The following SEPSECS variants were observed in gnomAD, a reference collection of about 807,000 sequenced individuals.
The protein encoded by SEPSECS is O-phosphoseryl-tRNA(Sec) selenium transferase.
SEPSECS carries 42 observed loss-of-function variants against 52.1 expected under a neutral mutation model. The ratio of observed to expected loss-of-function variants is 0.81; its 90% CI spans 0.63 to 1.04. The LOEUF is 1.04. Among genes scored for constraint, SEPSECS ranks in the 50% least tolerant of loss-of-function variants. SEPSECS has a pLI of 0.00. For missense variants in SEPSECS, 590 were observed against 610.6 expected, an observed-to-expected ratio of 0.97 and a Z score of 0.36; for synonymous variants, 216 against 211.4, an observed-to-expected ratio of 1.02 and a Z score of -0.19.
chr4:25,137,217 G>A (rs904333572), intron 8 of SEPSECS, among the ~76,000 whole-genome samples: 1 of 152,152 alleles, frequency 6.6e-6, no homozygotes, highest in Non-Finnish European at 1.5e-5. Context: ...TAACAAATGT[G>A]ATCTAATTAA....
At chr4:25,127,209 T>C in intron 9 of SEPSECS, 55 bp downstream of exon 9, 3 of 1,073,292 alleles carry the variant, frequency 2.8e-6, no homozygotes, top group Non-Finnish European at 4.3e-6. Context: ...AAGTATCAGC[T>C]TCCTCCTAGA....
intron 8 of SEPSECS, among the ~76,000 whole-genome samples, chr4:25,141,609 G>A (rs6448334): frequency 0.81 from 122,576 of 152,036 alleles, 49,456 homozygotes; most frequent in African/African-American, 0.82. Context: ...AACCACTATA[G>A]AAGGCTCCTA....
intron 8 of SEPSECS, among the ~76,000 whole-genome samples, chr4:25,141,142 A>G (rs148342431): frequency 6.6e-6 from 1 of 152,290 alleles, no homozygotes; most frequent in Non-Finnish European, 1.5e-5. Flanking sequence ...AGATTTTGGT[A>G]TCTGAGTGAT....
intron 6 of SEPSECS, among the ~76,000 whole-genome samples, chr4:25,145,537 A>G (rs1009082058): frequency 5.3e-5 from 8 of 152,226 alleles, no homozygotes; most frequent in African/African-American, 1.9e-4. Context: ...CTGTGAGGCA[A>G]GCACGGTTTC....
At chr4:25,151,362 C>CA (rs1712290674) in intron 6 of SEPSECS, among the ~76,000 whole-genome samples, 1 of 151,928 alleles carries the variant, frequency 6.6e-6, no homozygotes, top group South Asian at 2.1e-4. Flanking sequence ...GCACAGCAGG[C>CA]AAAAGGAAAG....
At chr4:25,157,262 C>T (rs1021369507) in intron 2 of SEPSECS, among the ~76,000 whole-genome samples, 6 of 152,186 alleles carry the variant, frequency 3.9e-5, no homozygotes, top group African/African-American at 1.4e-4. Context: ...TTCCTCTCCA[C>T]TTGAATCTGG....
chr4:25,157,103 A>ACAAACTATATTATTGATATAATAT (rs1242540439), intron 2 of SEPSECS, 129 bp from the exon 3 acceptor site: 35 of 714,774 alleles, frequency 4.9e-5, no homozygotes, highest in Non-Finnish European at 8.5e-5. Flanking sequence ...GATATATGTC[A>ACAAACTATATTATTGATATAATAT]CAAACTATTA....
intron 6 of SEPSECS, among the ~76,000 whole-genome samples, chr4:25,148,534 CA>C (rs1398495997): frequency 6.6e-6 from 1 of 152,078 alleles, no homozygotes; most frequent in Non-Finnish European, 1.5e-5. Context: ...TGATTTAAAT[CA>C]ATAGTGCCAC....
chr4:25,147,926 G>C (rs144257915), intron 6 of SEPSECS, among the ~76,000 whole-genome samples: 2 of 152,098 alleles, frequency 1.3e-5, no homozygotes, highest in Non-Finnish European at 2.9e-5. Flanking sequence ...GAGTCGCACT[G>C]AACTAGATGG....
chr4:25,156,686 C>T (rs370714501), intron 3 of SEPSECS, among the ~76,000 whole-genome samples, 170 bp downstream of exon 3: 42 of 104,684 alleles, frequency 4.0e-4, no homozygotes, highest in African/African-American at 1.5e-3. Context: ...CCAGCCTGGG[C>T]AACAGAGCTA....
At position 25,145,079 on chromosome 4, in the gene SEPSECS, TA is replaced by T; in HGVS notation, c.858del (p.Phe286LeufsTer5). The T allele has an allele frequency of 6.2e-7, 1 of 1,613,932 alleles. No homozygotes were observed. Among genetic ancestry groups the T allele is most frequent in the Non-Finnish European group, 8.5e-7 (1 of 1,179,914 alleles). On this transcript the variant is annotated frameshift_variant, in exon 7 of 11. Transcript: ENST00000382103. LOFTEE classifies it high-confidence loss of function. ...ATTATAGCACCACCTACTGGAACCATAAAATTTTTGTCCAAGCTCTGAACAA... is the reference window on the plus strand; with the variant it reads ...ATTATAGCACCACCTACTGGAACCATAAATTTTTGTCCAAGCTCTGAACAA... ...DAFVQSLDKN[F>X]MVPVGGAIIA...
intron 8 of SEPSECS, among the ~76,000 whole-genome samples, chr4:25,137,644 G>A (rs1173266419): frequency 6.6e-6 from 1 of 152,182 alleles, no homozygotes; most frequent in Non-Finnish European, 1.5e-5. Flanking sequence ...CAACCATTTT[G>A]GAAAACAGTG....
intron 6 of SEPSECS, among the ~76,000 whole-genome samples, chr4:25,150,466 TCTAATCA>T (rs1712232146): frequency 6.6e-6 from 1 of 152,146 alleles, no homozygotes; most frequent in African/African-American, 2.4e-5. Context: ...GAACCTTAAT[TCTAATCA>T]CTGTCAATAA....
chr4:25,152,086 A>G, intron 5 of SEPSECS, 24 bp from the exon 6 acceptor site: 1 of 1,271,254 alleles, frequency 7.9e-7, no homozygotes, highest in Non-Finnish European at 1.2e-6. Context: ...TATTCAATAG[A>G]AAGACATACT....
chr4:25,140,651 T>C (rs1279077245), intron 8 of SEPSECS, among the ~76,000 whole-genome samples: 1 of 152,218 alleles, frequency 6.6e-6, no homozygotes, highest in African/African-American at 2.4e-5. Flanking sequence ...TGCTCAGTAT[T>C]ACGTGTAATT....
chr4:25,138,255 T>G (rs1183416041), intron 8 of SEPSECS, among the ~76,000 whole-genome samples: 1 of 152,190 alleles, frequency 6.6e-6, no homozygotes, highest in Admixed American at 6.5e-5. Flanking sequence ...ACTATCTATA[T>G]AATAAAGTAT....
intron 8 of SEPSECS, among the ~76,000 whole-genome samples, chr4:25,136,728 T>C (rs1023084907): frequency 2.6e-5 from 4 of 152,154 alleles, no homozygotes; most frequent in Non-Finnish European, 4.4e-5. Context: ...AAAATTCACA[T>C]GGAACCAAAA....
chr4:25,142,637 A>G (rs142773482), intron 8 of SEPSECS, among the ~76,000 whole-genome samples: 200 of 152,308 alleles, frequency 1.3e-3, no homozygotes, highest in African/African-American at 4.6e-3. Context: ...AGACTACGCT[A>G]TTTTAAGTGG....
At chr4:25,139,826 T>A (rs531285812) in intron 8 of SEPSECS, among the ~76,000 whole-genome samples, 1 of 152,194 alleles carries the variant, frequency 6.6e-6, no homozygotes, top group Admixed American at 6.5e-5. Flanking sequence ...TTGGAAACAT[T>A]GTGAAGGACT....
Sources: gnomAD v4.1 joint callset for allele counts (sites outside exome capture counted in the v4.1 genomes callset) on GRCh38, gnomAD v4.1.1 for gene constraint, MANE v1.5 for transcripts, NCBI Gene and HGNC (gene_info 2026-07-23, HGNC 2026-07-21) for gene names.